Variants in ERBB4 observed in about 807,000 individuals in gnomAD.
ERBB4 encodes receptor tyrosine-protein kinase erbB-4.
Under a neutral mutation model 158.0 loss-of-function variants are expected in ERBB4, and 42 were observed. That is an observed-to-expected ratio of 0.27 (90% CI 0.21 to 0.34). The LOEUF is 0.34. Among genes scored for constraint, ERBB4 ranks in the 10% least tolerant of loss-of-function variants. The pLI is 1.00. For missense variants in ERBB4, 1,333 were observed against 1,624.1 expected (o/e 0.82, Z 3.08); for synonymous variants, 583 against 558.7 (o/e 1.04, Z -0.61).
At chr2:211,712,006 G>A (rs1411614440) in intron 9 of ERBB4, 44 bp downstream of exon 9, 7 of 1,547,596 alleles carry the variant, frequency 4.5e-6, no homozygotes, top group Non-Finnish European at 5.4e-6. Context: ...CTTCAGTTTT[G>A]TCTACACTTT....
At chr2:212,086,421 AAG>A (rs2078613541) in intron 2 of ERBB4, among the ~76,000 whole-genome samples, 1 of 151,770 alleles carries the variant, frequency 6.6e-6, no homozygotes, top group African/African-American at 2.4e-5. Flanking sequence ...AAATCGCACT[AAG>A]GCCTTATGCA....
chr2:212,098,216 T>C (rs1269274810), intron 2 of ERBB4, among the ~76,000 whole-genome samples: 1 of 152,110 alleles, frequency 6.6e-6, no homozygotes, highest in East Asian at 1.9e-4. Context: ...ATGTAACTAA[T>C]TTACATTACA....
At chr2:211,722,773 T>C (rs1402503430) in intron 6 of ERBB4, among the ~76,000 whole-genome samples, 1 of 152,264 alleles carries the variant, frequency 6.6e-6, no homozygotes, top group Non-Finnish European at 1.5e-5. Context: ...CAGTAATTTC[T>C]AAACTGAGAA....
intron 1 of ERBB4, among the ~76,000 whole-genome samples, chr2:212,269,159 A>G (rs1435945420): frequency 8.6e-5 from 13 of 151,898 alleles, no homozygotes; most frequent in African/African-American, 3.1e-4. Flanking sequence ...CCACACAGCT[A>G]CATAAATTTC....
chr2:211,729,604 G>A (rs544090069), intron 5 of ERBB4, among the ~76,000 whole-genome samples: 1 of 151,948 alleles, frequency 6.6e-6, no homozygotes, highest in East Asian at 1.9e-4. Flanking sequence ...AGGCACCATA[G>A]AGTAAATTTA....
At chr2:212,392,243 T>C (rs1417046434) in intron 1 of ERBB4, among the ~76,000 whole-genome samples, 1 of 151,906 alleles carries the variant, frequency 6.6e-6, no homozygotes, top group Non-Finnish European at 1.5e-5. Flanking sequence ...CTAAGGCATT[T>C]AAATTATTGA....
rs534846276 is a variant in ERBB4, at chr2:212,457,194, C to T, written c.82+81255G>A. 1.9e-3 allele frequency among the ~76,000 whole-genome samples: 296 copies of T among 152,080 alleles called. 1 individual carries two copies. Among genetic ancestry groups the T allele is most frequent in the Middle Eastern group, 6.8e-3 (2 of 294 alleles). Reference sequence around the variant, plus strand: ...ATGAACCATTTCAGGCTAATAGAGACAGGTGTTGTTTATATGTTTTTGCTC... The same window carrying T: ...ATGAACCATTTCAGGCTAATAGAGATAGGTGTTGTTTATATGTTTTTGCTC... On this transcript the variant is annotated intron_variant, in intron 1 of 27. Transcript: ENST00000342788.
At chr2:212,372,498 C>G (rs10179624) in intron 1 of ERBB4, among the ~76,000 whole-genome samples, 12,472 of 152,092 alleles carry the variant, frequency 0.082, 614 homozygotes, top group Non-Finnish European at 0.11. Context: ...ACCTGTAATC[C>G]CAGCACTTTG....
At chr2:211,941,221 C>T (rs963682667) in intron 3 of ERBB4, among the ~76,000 whole-genome samples, 1 of 151,392 alleles carries the variant, frequency 6.6e-6, no homozygotes, top group Non-Finnish European at 1.5e-5. Context: ...TAATCATTTT[C>T]CAAGTAATTT....
At chr2:212,450,037 G>A (rs2092422490) in intron 1 of ERBB4, among the ~76,000 whole-genome samples, 1 of 152,116 alleles carries the variant, frequency 6.6e-6, no homozygotes, top group African/African-American at 2.4e-5. Flanking sequence ...CATTTAAAAA[G>A]TCTGGTTACA....
At position 211,938,006 on chromosome 2, in the gene ERBB4, C is replaced by G. The variant is rs554595583; in HGVS notation, c.421+9424G>C. The stretch of plus-strand genomic sequence containing the variant: ...AAAACATATTTAGAAGCAATGCATG[C>G]CATCCAGAACCCTGCTGACTCAAAT... On this transcript the variant is annotated intron_variant, in intron 3 of 27. Coordinates refer to ENST00000342788, the MANE Select transcript of ERBB4 (RefSeq NM_005235.3). 4.4e-4 allele frequency among the ~76,000 whole-genome samples: 67 copies of G among 152,248 alleles called. 1 individual carries two copies. The highest frequency in any genetic ancestry group is 2.0e-3 in the Admixed American group (30 of 15,298).
chr2:211,579,017 C>T (rs555779123), intron 19 of ERBB4, among the ~76,000 whole-genome samples: 1 of 152,052 alleles, frequency 6.6e-6, no homozygotes. Flanking sequence ...AACAGGCAAC[C>T]TAGAGAGTAG....
At chr2:212,197,486 A>G (rs575458381) in intron 1 of ERBB4, among the ~76,000 whole-genome samples, 15 of 152,314 alleles carry the variant, frequency 9.8e-5, no homozygotes, top group Admixed American at 3.9e-4. Context: ...CATTTTATAT[A>G]TGAGGAAACT....
At chr2:212,279,916 G>A (rs1404641991) in intron 1 of ERBB4, among the ~76,000 whole-genome samples, 1 of 151,518 alleles carries the variant, frequency 6.6e-6, no homozygotes, top group African/African-American at 2.4e-5. Flanking sequence ...AAAGAGAAAT[G>A]TAATTACATT....
chr2:212,369,180 C>A (rs2089999009), intron 1 of ERBB4, among the ~76,000 whole-genome samples: 1 of 152,100 alleles, frequency 6.6e-6, no homozygotes, highest in African/African-American at 2.4e-5. Flanking sequence ...AGGAAAAGTT[C>A]ATAAAAAGAG....
chr2:211,857,146 T>A (rs2077889614), intron 3 of ERBB4, among the ~76,000 whole-genome samples: 1 of 143,864 alleles, frequency 7.0e-6, no homozygotes, highest in Non-Finnish European at 1.6e-5. Context: ...TCTGTGTATA[T>A]CTCTGTGTGT....
chr2:212,316,497 A>G (rs2087285551), intron 1 of ERBB4, among the ~76,000 whole-genome samples: 1 of 151,514 alleles, frequency 6.6e-6, no homozygotes, highest in Admixed American at 6.6e-5. Flanking sequence ...ATCAAGCTGC[A>G]TGGAAATTCG....
At position 212,416,324 on chromosome 2, in the gene ERBB4, T is replaced by C. The variant is rs1013280484; in HGVS notation, c.82+122125A>G. Among the ~76,000 whole-genome samples, 3 of 152,130 alleles carry C rather than the reference T, an allele frequency of 2.0e-5. No homozygotes were observed. The East Asian group carries it at 5.8e-4, about 29-fold the overall frequency. On this transcript the variant is annotated intron_variant, in intron 1 of 27. Coordinates refer to ENST00000342788, the MANE Select transcript of ERBB4 (RefSeq NM_005235.3). ...AAGCCCTGCAGCTTCCTGCCTTTGA[T>C]AGAAATGTACAATAGTGTACTGTTT...
chr2:212,492,726 C>T (rs912300497), intron 1 of ERBB4, among the ~76,000 whole-genome samples: 1 of 151,324 alleles, frequency 6.6e-6, no homozygotes, highest in African/African-American at 2.4e-5. Flanking sequence ...AGCACTAGAC[C>T]TATAATTTTG....
Sources: gnomAD v4.1 joint callset for allele counts (sites outside exome capture counted in the v4.1 genomes callset) on GRCh38, gnomAD v4.1.1 for gene constraint, MANE v1.5 for transcripts, NCBI Gene and HGNC (gene_info 2026-07-23, HGNC 2026-07-21) for gene names.